The following CAMSAP1 variants were observed in gnomAD, a reference collection of about 807,000 sequenced individuals.
The protein encoded by CAMSAP1 is calmodulin-regulated spectrin-associated protein 1.
In CAMSAP1, 58 loss-of-function variants were observed where a neutral mutation model predicts 143.5. The observed-to-expected ratio is 0.40, with a 90% CI of 0.33 to 0.50. The LOEUF (loss-of-function observed/expected upper bound fraction) is 0.50. Ranked by LOEUF, CAMSAP1 falls within the 20% of genes least tolerant of loss-of-function variation. The pLI, the probability that CAMSAP1 is intolerant of heterozygous loss-of-function variation, is 0.45. For missense variants in CAMSAP1, 1,969 were observed against 2,115.7 expected, an observed-to-expected ratio of 0.93 and a Z score of 1.36; for synonymous variants, 945 against 859.3, an observed-to-expected ratio of 1.10 and a Z score of -1.74.
chr9:135,873,371 GAA>G (rs907669290), intron 3 of CAMSAP1, among the ~76,000 whole-genome samples: 2 of 151,700 alleles, frequency 1.3e-5, no homozygotes, highest in African/African-American at 4.8e-5. Flanking sequence ...CCTTCAAAAT[GAA>G]AAAAGACTTC....
intron 3 of CAMSAP1, among the ~76,000 whole-genome samples, chr9:135,869,019 A>G (rs1275684816): frequency 6.6e-6 from 1 of 152,172 alleles, no homozygotes; most frequent in Non-Finnish European, 1.5e-5. Context: ...CCGAATGACC[A>G]AAGCATGAAG....
chr9:135,840,726 G>T (rs150494804), intron 7 of CAMSAP1, among the ~76,000 whole-genome samples: 1 of 152,184 alleles, frequency 6.6e-6, no homozygotes, highest in Admixed American at 6.5e-5. Context: ...GGGCAAGCAC[G>T]GTGGGGAATC....
rs186863224 is a variant in CAMSAP1 at position 135,881,781 on chromosome 9, G to C, written c.437C>G (p.Ala146Gly). ...RAPIKMSAHMAMVDALMMAYT... is the reference protein window; with the variant it reads ...RAPIKMSAHMGMVDALMMAYT... ...GGCCATCATCAGGGCATCCACCATT[G>C]CCATGTGGGCACTCTAGGGGCAGAG... Residue 146 changes from alanine (A) to glycine (G), a missense_variant, in exon 3 of 17, where the codon GCA (alanine) becomes GGA (glycine). Coordinates refer to ENST00000389532, the MANE Select transcript of CAMSAP1 (RefSeq NM_015447.4). 96 of 1,552,004 alleles carry C rather than the reference G, an allele frequency of 6.2e-5. No individual in the cohort carries two copies. The Middle Eastern group carries it at 1.0e-3, about 16-fold the overall frequency.
In CAMSAP1 at chr9:135,818,341, G is replaced by T; in HGVS notation, c.4168+67C>A. On this transcript the variant is annotated intron_variant, in intron 13 of 16. Coordinates refer to ENST00000389532, the MANE Select transcript of CAMSAP1 (RefSeq NM_015447.4). The surrounding 1 kb of genome is among the most constrained non-coding windows in gnomAD (Gnocchi z 7.7). ...ACTCTTGATGACAAAATTGAAATGA[G>T]CTGAAGAACGTGAGGCCGCCGCCCG... 6.8e-7 allele frequency: 1 copy of T among 1,464,852 alleles called. No homozygotes were observed. Among genetic ancestry groups the T allele is most frequent in the Non-Finnish European group, 9.1e-7 (1 of 1,094,856 alleles). 90.7% of individuals were successfully genotyped at this position (1,464,852 alleles called of 1,614,324 possible).
chr9:135,889,190 CGCT>C (rs1421940794), intron 1 of CAMSAP1, among the ~76,000 whole-genome samples: 2 of 152,204 alleles, frequency 1.3e-5, no homozygotes, highest in African/African-American at 4.8e-5. Flanking sequence ...ATGAAACCTA[CGCT>C]CAACTGTATG....
chr9:135,896,088 T>C (rs1394095385), intron 1 of CAMSAP1, among the ~76,000 whole-genome samples: 2 of 152,130 alleles, frequency 1.3e-5, no homozygotes, highest in African/African-American at 4.8e-5. Context: ...GTAAACACTC[T>C]AAATACACCA....
In CAMSAP1 at chr9:135,827,502, A is replaced by G. The variant is rs1835717326; in HGVS notation, c.1128T>C (p.Pro376=). ...NATKRSFLGS[P]AAGTLAELQP... ...GCAGCTCAGCCAGGGTCCCTGCAGC[A>G]GGGCTGCCTAGGAAACTGCGTTTGG... Residue 376 remains proline, a synonymous_variant, in exon 8 of 17, where the codon CCT becomes CCC. Coordinates refer to ENST00000389532, the MANE Select transcript of CAMSAP1 (RefSeq NM_015447.4). 4 of 1,612,774 alleles carry G rather than the reference A, an allele frequency of 2.5e-6. No homozygotes were observed. Among genetic ancestry groups the G allele is most frequent in the Non-Finnish European group, 3.4e-6 (4 of 1,178,920 alleles).
At chr9:135,814,958 G>A (rs1043766325) in intron 16 of CAMSAP1, 139 bp downstream of exon 16, 10 of 664,316 alleles carry the variant, frequency 1.5e-5, no homozygotes, top group Admixed American at 5.4e-5. Flanking sequence ...TGCCTGGAAC[G>A]GCCTCTTCCT....
At chr9:135,873,855 T>G (rs1182954684) in intron 3 of CAMSAP1, among the ~76,000 whole-genome samples, 1 of 152,108 alleles carries the variant, frequency 6.6e-6, no homozygotes, top group African/African-American at 2.4e-5. Flanking sequence ...CCTTAATACT[T>G]CCCAACTCAC....
At chr9:135,876,188 G>T (rs1837741947) in intron 3 of CAMSAP1, among the ~76,000 whole-genome samples, 1 of 152,136 alleles carries the variant, frequency 6.6e-6, no homozygotes, top group Non-Finnish European at 1.5e-5. Context: ...CCTGACCTCA[G>T]GCAATCTGCC....
At position 135,907,070 on chromosome 9, in the gene CAMSAP1, G is replaced by A. The variant is rs1313010332; in HGVS notation, c.90C>T (p.Asp30=). ...TCTTGGCGCGCGCCGCGTCGTAGCG[G>A]TCCAGGGGCACGAGGTCGGCGGCGC... is the stretch of plus-strand genomic sequence containing the variant. ...PDGAADLVPL[D]RYDAARAKIA... The change falls in exon 1 of 17, where the codon GAC becomes GAT. Residue 30 remains aspartate, a synonymous_variant. Transcript: ENST00000389532. The A allele has an allele frequency of 4.2e-6, 5 of 1,179,482 alleles. No individual in the cohort carries two copies. The highest frequency in any genetic ancestry group is 5.3e-6 in the Non-Finnish European group (5 of 946,906). The allele number at this position is 1,179,482 out of a possible 1,614,324, so 73.1% of individuals were successfully genotyped here.
rs1454518324 is a variant in CAMSAP1, at chr9:135,808,769, A to AGAACGTATC, written c.*2539_*2540insGATACGTTC. 14 of 152,370 alleles carry AGAACGTATC rather than the reference A, an allele frequency of 9.2e-5. No individual in the cohort carries two copies. Among genetic ancestry groups the AGAACGTATC allele is most frequent in the African/African-American group, 3.4e-4 (14 of 41,586 alleles). The allele number at this position is 152,370 out of a possible 1,614,324, so 9.4% of individuals were successfully genotyped here. On this transcript the variant is annotated 3_prime_UTR_variant, in exon 17 of 17. Transcript: ENST00000389532. ...GTGGGTAGAACGTATCTGCACATAC[A>AGAACGTATC]TGCGTAAAATAATGGGACTCACGCA...
intron 16 of CAMSAP1, among the ~76,000 whole-genome samples, chr9:135,812,540 A>G (rs1835088792): frequency 6.6e-6 from 1 of 151,794 alleles, no homozygotes; most frequent in South Asian, 2.1e-4. Context: ...ACGGGCGTGG[A>G]GTTTCTTTTT....
intron 7 of CAMSAP1, among the ~76,000 whole-genome samples, chr9:135,832,763 A>C (rs1835895528): frequency 6.6e-6 from 1 of 152,212 alleles, no homozygotes; most frequent in Admixed American, 6.5e-5. Context: ...TAAAAAAGAA[A>C]TCAAGAAAAC....
chr9:135,826,892 T>A lies in CAMSAP1; in HGVS notation c.1223+515A>T, dbSNP rs1835693668. On this transcript the variant is annotated intron_variant, in intron 8 of 16. Transcript: ENST00000389532. This position sits in a 1 kb window ranked among gnomAD's most constrained non-coding sequence, Gnocchi z 4.4. ...AGGTCTTCATGATGAAAATTCATTT[T>A]AGAAAAAACGTTTTTTAAACAACTC... Among the ~76,000 whole-genome samples, 1 of 152,312 alleles carries A rather than the reference T, an allele frequency of 6.6e-6. No homozygotes were observed. Among genetic ancestry groups the A allele is most frequent in the African/African-American group, 2.4e-5 (1 of 41,570 alleles).
At chr9:135,896,748 G>A (rs1838467655) in intron 1 of CAMSAP1, among the ~76,000 whole-genome samples, 1 of 152,214 alleles carries the variant, frequency 6.6e-6, no homozygotes. Context: ...AATCATTGAG[G>A]AGTGCTGTGG....
At chr9:135,852,196 G>A (rs770507240) in intron 5 of CAMSAP1, among the ~76,000 whole-genome samples, 2 of 152,098 alleles carry the variant, frequency 1.3e-5, no homozygotes, top group African/African-American at 2.4e-5. Context: ...TTTTCTTACC[G>A]ATTCTAGAAT....
chr9:135,877,387 T>C (rs1037151581), intron 3 of CAMSAP1, among the ~76,000 whole-genome samples: 2 of 151,374 alleles, frequency 1.3e-5, no homozygotes, highest in Admixed American at 1.3e-4. Context: ...TTTAGGGTGA[T>C]GGAAACATTA....
rs770932727 is a variant in CAMSAP1, at chr9:135,823,075, A to AGGCTCTTCCCGT, written c.1574_1585dup (p.His525_Ser528dup). 8.1e-6 allele frequency: 13 copies of AGGCTCTTCCCGT among 1,613,996 alleles called. No individual in the cohort carries two copies. The African/African-American group carries it at 1.6e-4, about 20-fold the overall frequency. On this transcript the variant is annotated inframe_insertion, in exon 11 of 17. Coordinates refer to ENST00000389532, the MANE Select transcript of CAMSAP1 (RefSeq NM_015447.4). ...ATCCTCAATACTGACATTGCTCAGGAGGCTCTTCCCGTGGCTCTTCGTGGC... is the reference window on the plus strand; with the variant it reads ...ATCCTCAATACTGACATTGCTCAGGAGGCTCTTCCCGTGGCTCTTCCCGTGGCTCTTCGTGGC...
Sources: allele counts gnomAD v4.1 joint callset (sites outside exome capture counted in the v4.1 genomes callset), GRCh38; gene constraint gnomAD v4.1.1; non-coding constraint Gnocchi (gnomAD v3.1); transcripts MANE v1.5; gene names NCBI Gene and HGNC (gene_info 2026-07-23, HGNC 2026-07-21).